GRM7: variants seen among roughly 807,000 people sequenced by gnomAD.
GRM7 encodes glutamate metabotropic receptor 7, also known as metabotropic glutamate receptor 7.
In GRM7, 35 loss-of-function variants were observed where a neutral mutation model predicts 84.5. The observed-to-expected ratio is 0.41, with a 90% CI of 0.32 to 0.55. The LOEUF is 0.55. Ranked by LOEUF, GRM7 falls within the 20% of genes least tolerant of loss-of-function variation. The probability of loss-of-function intolerance (pLI) is 0.19; values close to 1 mark genes in which losing one functional copy is unlikely to be tolerated. For synonymous variants in GRM7, 487 were observed against 455.1 expected (o/e 1.07, Z -0.89); for missense variants, 1,003 against 1,194.6 (o/e 0.84, Z 2.36).
chr3:6,924,125 T>C (rs929291105), intron 1 of GRM7, among the ~76,000 whole-genome samples: 1 of 152,172 alleles, frequency 6.6e-6, no homozygotes, highest in Non-Finnish European at 1.5e-5. Context: ...TATAACACAA[T>C]GTAGTTAGAA....
chr3:7,225,519 T>C (rs914410318), intron 2 of GRM7, among the ~76,000 whole-genome samples: 1 of 147,636 alleles, frequency 6.8e-6, no homozygotes, highest in African/African-American at 2.4e-5. Flanking sequence ...AGAAACCATA[T>C]AGCTATAATA....
Position 6,861,981 on chromosome 3 carries a change from C to A in GRM7, c.519+74C>A. On this transcript the variant is annotated intron_variant, in intron 1 of 9. Transcript: ENST00000357716. The surrounding 1 kb of genome is among the most constrained non-coding windows in gnomAD (Gnocchi z 6.4). ...CCTTAACCCTAAAAGCTGGCTTGGA[C>A]TCCGGTGGTGCGGGTCAGGTCAGCC... The A allele has an allele frequency of 7.7e-7, 1 of 1,294,180 alleles. No homozygotes were observed. Among genetic ancestry groups the A allele is most frequent in the Non-Finnish European group, 1.1e-6 (1 of 927,218 alleles). The allele number at this position is 1,294,180 out of a possible 1,614,324, so 80.2% of individuals were successfully genotyped here. A position where few individuals can be genotyped will look rare whatever the true frequency, so the allele number is the denominator to read the frequency against.
intron 1 of GRM7, among the ~76,000 whole-genome samples, chr3:6,873,831 C>T (rs1461962738): frequency 1.3e-5 from 2 of 152,062 alleles, no homozygotes; most frequent in Non-Finnish European, 2.9e-5. Context: ...TTATTGTTGC[C>T]CATTGAAACA....
At chr3:7,579,644 A>G (rs923957202) in intron 8 of GRM7, among the ~76,000 whole-genome samples, 1 of 152,196 alleles carries the variant, frequency 6.6e-6, no homozygotes, top group African/African-American at 2.4e-5. Flanking sequence ...ATCTATCTAA[A>G]ATAACCCTTC....
At chr3:7,533,514 A>T (rs2125007464) in intron 7 of GRM7, among the ~76,000 whole-genome samples, 1 of 152,280 alleles carries the variant, frequency 6.6e-6, no homozygotes, top group South Asian at 2.1e-4. Context: ...AGAGGATGTT[A>T]GGTGCTTAAG....
At position 7,183,435 on chromosome 3, in the gene GRM7, G is replaced by A. The variant is rs553047296; in HGVS notation, c.736+36767G>A. On this transcript the variant is annotated intron_variant, in intron 2 of 9. Coordinates refer to ENST00000357716, the MANE Select transcript of GRM7 (RefSeq NM_000844.4). ...TGAGATCAGAAGTTCAAGACCAGCC[G>A]GGCTAATGTGGTGAAACCCCGTCCC... is the stretch of plus-strand genomic sequence containing the variant. Among the ~76,000 whole-genome samples the A allele has an allele frequency of 1.0e-3, 152 of 152,022 alleles. 1 individual carries two copies. The highest frequency in any genetic ancestry group is 2.3e-3 in the Admixed American group (35 of 15,262).
Position 7,332,664 on chromosome 3 carries a change from T to C in GRM7, c.1033+26012T>C, listed in dbSNP as rs150775728. ...CACTTAGATGAACAGAAATAGCGTG[T>C]GGAGACTCACATTGTGAACTTATGC... On this transcript the variant is annotated intron_variant, in intron 4 of 9. Coordinates refer to ENST00000357716, the MANE Select transcript of GRM7 (RefSeq NM_000844.4). Among the ~76,000 whole-genome samples, 16 of 152,272 alleles carry C rather than the reference T, an allele frequency of 1.1e-4. No homozygotes were observed. The East Asian group carries it at 2.9e-3, about 28-fold the overall frequency.
intron 7 of GRM7, among the ~76,000 whole-genome samples, chr3:7,499,515 T>C (rs1305886262): frequency 1.3e-5 from 2 of 152,194 alleles, no homozygotes; most frequent in East Asian, 1.9e-4. Context: ...AATGTTTACT[T>C]GGAGATTACT....
At chr3:7,580,993 G>A (rs1307066903) in intron 8 of GRM7, among the ~76,000 whole-genome samples, 7 of 152,020 alleles carry the variant, frequency 4.6e-5, no homozygotes, top group African/African-American at 1.7e-4. Context: ...TAATTATTTT[G>A]TTATTAAAAC....
chr3:7,567,203 T>C (rs538807372), intron 7 of GRM7, among the ~76,000 whole-genome samples: 1 of 152,292 alleles, frequency 6.6e-6, no homozygotes, highest in South Asian at 2.1e-4. Flanking sequence ...AACTTAAGCC[T>C]AGAGACCCTC....
intron 1 of GRM7, among the ~76,000 whole-genome samples, chr3:6,894,747 A>G (rs942125500): frequency 2.0e-5 from 3 of 152,210 alleles, no homozygotes; most frequent in Admixed American, 6.5e-5. Flanking sequence ...GATAAAATCA[A>G]GCATTTCAAC....
intron 2 of GRM7, among the ~76,000 whole-genome samples, chr3:7,259,204 T>C (rs1480416640): frequency 6.6e-6 from 1 of 152,228 alleles, no homozygotes; most frequent in East Asian, 1.9e-4. Flanking sequence ...GGCTGATTGA[T>C]AAATTCACTA....
chr3:7,593,973 T>A (rs78778383), intron 8 of GRM7, among the ~76,000 whole-genome samples: 3,967 of 152,084 alleles, frequency 0.026, 141 homozygotes, highest in East Asian at 0.095. Context: ...GAAAGTGATT[T>A]ACTCACAAAA....
intron 1 of GRM7, among the ~76,000 whole-genome samples, chr3:7,012,567 A>G (rs561932143): frequency 1.8e-3 from 273 of 152,230 alleles, no homozygotes; most frequent in Admixed American, 3.3e-3. Flanking sequence ...TTCTCCCCTG[A>G]AGAGGTCATA....
intron 1 of GRM7, among the ~76,000 whole-genome samples, chr3:7,062,109 C>A (rs1697451190): frequency 6.6e-6 from 1 of 151,530 alleles, no homozygotes; most frequent in Admixed American, 6.6e-5. Flanking sequence ...CCGCTAGAAA[C>A]TGTTAAAAAA....
chr3:7,432,147 A>G (rs1696856623), intron 5 of GRM7, among the ~76,000 whole-genome samples: 1 of 152,196 alleles, frequency 6.6e-6, no homozygotes, highest in Non-Finnish European at 1.5e-5. Context: ...TCCAGCAGGA[A>G]TTATTTTCAA....
intron 1 of GRM7, among the ~76,000 whole-genome samples, chr3:7,088,795 A>G (rs886430320): frequency 4.0e-5 from 6 of 150,462 alleles, no homozygotes; most frequent in African/African-American, 1.5e-4. Context: ...AGGATTCACA[A>G]CTACTATGTG....
At chr3:7,108,025 G>T (rs1332641312) in intron 1 of GRM7, among the ~76,000 whole-genome samples, 2 of 152,018 alleles carry the variant, frequency 1.3e-5, no homozygotes, top group Non-Finnish European at 2.9e-5. Context: ...AGGGAAATAT[G>T]TGAGCCTTTA....
intron 9 of GRM7, among the ~76,000 whole-genome samples, chr3:7,732,103 T>C (rs1337931378): frequency 2.0e-5 from 3 of 152,160 alleles, no homozygotes; most frequent in Non-Finnish European, 2.9e-5. Context: ...TGGAGTGCAG[T>C]GGCGTGATCT....
Sources: allele counts gnomAD v4.1 joint callset (sites outside exome capture counted in the v4.1 genomes callset), GRCh38; gene constraint gnomAD v4.1.1; non-coding constraint Gnocchi (gnomAD v3.1); transcripts MANE v1.5; gene names NCBI Gene and HGNC (gene_info 2026-07-23, HGNC 2026-07-21).